The following SH3GL2 variants were observed in gnomAD, a reference collection of about 807,000 sequenced individuals.
The protein encoded by SH3GL2 is endophilin-A1.
Under a neutral mutation model 46.0 loss-of-function variants are expected in SH3GL2, and 24 were observed. The observed-to-expected ratio is 0.52, with a 90% CI of 0.38 to 0.73. The LOEUF is 0.73. SH3GL2 is among the 30% of genes least tolerant of loss of function. The pLI, the probability that SH3GL2 is intolerant of heterozygous loss-of-function variation, is 0.00. For missense variants in SH3GL2, 413 were observed against 424.2 expected (o/e 0.97, Z 0.23); for synonymous variants, 196 against 147.1 (o/e 1.33, Z -2.40).
chr9:17,744,023 T>C (rs1420139349), intron 1 of SH3GL2, among the ~76,000 whole-genome samples: 1 of 152,220 alleles, frequency 6.6e-6, no homozygotes, highest in Non-Finnish European at 1.5e-5. Context: ...AATGGAATTT[T>C]GGAATATAGT....
intron 1 of SH3GL2, among the ~76,000 whole-genome samples, chr9:17,692,455 G>A (rs1563814699): frequency 6.6e-6 from 1 of 151,994 alleles, no homozygotes; most frequent in Non-Finnish European, 1.5e-5. Context: ...AGACCAGCCT[G>A]GCCAATATGG....
intron 1 of SH3GL2, among the ~76,000 whole-genome samples, chr9:17,696,741 A>G (rs1457112739): frequency 6.6e-6 from 1 of 152,178 alleles, no homozygotes; most frequent in Non-Finnish European, 1.5e-5. Context: ...TATGGGAACT[A>G]CAATTGAAGA....
intron 2 of SH3GL2, among the ~76,000 whole-genome samples, chr9:17,751,371 G>T (rs1044174252): frequency 6.6e-6 from 1 of 152,166 alleles, no homozygotes; most frequent in Admixed American, 6.5e-5. Flanking sequence ...CCAAGTGGTA[G>T]AGCTAGAATT....
intron 1 of SH3GL2, among the ~76,000 whole-genome samples, chr9:17,716,619 A>C (rs1231356349): frequency 6.6e-6 from 1 of 152,108 alleles, no homozygotes; most frequent in East Asian, 1.9e-4. Flanking sequence ...GTTTCCTCAC[A>C]TGCATGTGTT....
At chr9:17,654,324 G>T (rs1477601737) in intron 1 of SH3GL2, among the ~76,000 whole-genome samples, 1 of 152,114 alleles carries the variant, frequency 6.6e-6, no homozygotes, top group Non-Finnish European at 1.5e-5. Flanking sequence ...GGTTTTCTGT[G>T]CTGCTTCCCC....
At chr9:17,597,387 C>T (rs917520115) in intron 1 of SH3GL2, among the ~76,000 whole-genome samples, 2 of 151,996 alleles carry the variant, frequency 1.3e-5, no homozygotes, top group Non-Finnish European at 2.9e-5. Context: ...TATGGTGGCA[C>T]ATGCCTGTAA....
chr9:17,625,059 C>A (rs1331549667), intron 1 of SH3GL2, among the ~76,000 whole-genome samples: 1 of 152,136 alleles, frequency 6.6e-6, no homozygotes, highest in Non-Finnish European at 1.5e-5. Flanking sequence ...GTGTCCCTTT[C>A]CCTCTGGCCA....
chr9:17,600,352 A>G (rs1175605465), intron 1 of SH3GL2, among the ~76,000 whole-genome samples: 1 of 152,256 alleles, frequency 6.6e-6, no homozygotes, highest in Non-Finnish European at 1.5e-5. Context: ...AAAAAAATCA[A>G]GATGTCAAAG....
At chr9:17,700,316 A>G (rs929665078) in intron 1 of SH3GL2, among the ~76,000 whole-genome samples, 1 of 152,140 alleles carries the variant, frequency 6.6e-6, no homozygotes, top group Non-Finnish European at 1.5e-5. Context: ...CAGCCTTCCA[A>G]CCCTTTCACT....
intron 1 of SH3GL2, among the ~76,000 whole-genome samples, chr9:17,745,511 C>T (rs144748720): frequency 2.1e-4 from 32 of 152,240 alleles, no homozygotes; most frequent in African/African-American, 7.5e-4. Flanking sequence ...TTCCACTGCG[C>T]CATATTTCTC....
At chr9:17,638,498 A>G (rs1347108822) in intron 1 of SH3GL2, among the ~76,000 whole-genome samples, 4 of 152,226 alleles carry the variant, frequency 2.6e-5, no homozygotes, top group Non-Finnish European at 5.9e-5. Flanking sequence ...AAACCAAATG[A>G]TGAGGTGAAG....
intron 1 of SH3GL2, among the ~76,000 whole-genome samples, chr9:17,662,026 C>G (rs1401566979): frequency 6.6e-6 from 1 of 152,088 alleles, no homozygotes. Context: ...TATAATTTTA[C>G]TCTTTTAAAT....
intron 1 of SH3GL2, among the ~76,000 whole-genome samples, chr9:17,624,175 T>G (rs1357814852): frequency 1.3e-5 from 2 of 152,232 alleles, no homozygotes; most frequent in Non-Finnish European, 2.9e-5. Context: ...GTTGGAATAT[T>G]GCATAGTGAT....
chr9:17,712,709 TATG>T (rs1821659034), intron 1 of SH3GL2, among the ~76,000 whole-genome samples: 1 of 151,892 alleles, frequency 6.6e-6, no homozygotes, highest in South Asian at 2.1e-4. Flanking sequence ...ACAGTAGCTT[TATG>T]ATAAGTCTTG....
chr9:17,588,392 G>A (rs1818419319), intron 1 of SH3GL2, among the ~76,000 whole-genome samples: 1 of 152,110 alleles, frequency 6.6e-6, no homozygotes, highest in Non-Finnish European at 1.5e-5. Flanking sequence ...AAGACAAAAG[G>A]GAGATTATAT....
chr9:17,790,613 T>C (rs890546418), intron 6 of SH3GL2, among the ~76,000 whole-genome samples: 1 of 152,186 alleles, frequency 6.6e-6, no homozygotes, highest in African/African-American at 2.4e-5. Context: ...ACAACACTGC[T>C]TCTGTTGACT....
In SH3GL2 at chr9:17,786,053, G is replaced by T. The variant is rs189527759; in HGVS notation, c.188-328G>T. ...AAAAAGCTCTCCATGGAAGCACCCAGCTCCACAGAGTCACTGCAGGGGCCA... is the reference window on the plus strand; with the variant it reads ...AAAAAGCTCTCCATGGAAGCACCCATCTCCACAGAGTCACTGCAGGGGCCA... On this transcript the variant is annotated intron_variant, in intron 3 of 8. Coordinates refer to ENST00000380607, the MANE Select transcript of SH3GL2 (RefSeq NM_003026.5). Among the ~76,000 whole-genome samples, 18 of 152,266 alleles carry T rather than the reference G, an allele frequency of 1.2e-4. 1 individual carries two copies. The East Asian group carries it at 3.3e-3, about 28-fold the overall frequency.
At position 17,785,706 on chromosome 9, in the gene SH3GL2, A is replaced by G. The variant is rs559119442; in HGVS notation, c.188-675A>G. 3.3e-5 allele frequency among the ~76,000 whole-genome samples: 5 copies of G among 152,166 alleles called. No homozygotes were observed. In the East Asian group the frequency reaches 9.7e-4, roughly 29 times the overall value. ...GTTTCTAGGCAACTTCTTTTATAAAAACAAAAACAAAGAAAGAGAAATTGA... is the reference window on the plus strand; with the variant it reads ...GTTTCTAGGCAACTTCTTTTATAAAGACAAAAACAAAGAAAGAGAAATTGA... On this transcript the variant is annotated intron_variant, in intron 3 of 8. Transcript: ENST00000380607.
chr9:17,706,151 T>C (rs908395842), intron 1 of SH3GL2, among the ~76,000 whole-genome samples: 7 of 151,916 alleles, frequency 4.6e-5, no homozygotes, highest in African/African-American at 1.7e-4. Flanking sequence ...CATTTGAGAG[T>C]TTACCCCTTT....
Sources: gnomAD v4.1 joint callset for allele counts (sites outside exome capture counted in the v4.1 genomes callset) on GRCh38, gnomAD v4.1.1 for gene constraint, MANE v1.5 for transcripts, NCBI Gene and HGNC (gene_info 2026-07-23, HGNC 2026-07-21) for gene names.